The following SPAG16 variants were observed in gnomAD, a reference collection of about 807,000 sequenced individuals.
SPAG16 encodes the protein sperm associated antigen 16.
In SPAG16, 86 loss-of-function variants were observed where a neutral mutation model predicts 80.4. The observed-to-expected ratio is 1.07, with a 90% CI of 0.90 to 1.28. SPAG16 has a LOEUF of 1.28. Among genes scored for constraint, SPAG16 ranks in the 50% most tolerant of loss-of-function variants. The pLI, the probability that SPAG16 is intolerant of heterozygous loss-of-function variation, is 0.00. For synonymous variants in SPAG16, 294 were observed against 265.9 expected (o/e 1.11, Z -1.03); for missense variants, 870 against 765.3 (o/e 1.14, Z -1.61).
At chr2:214,180,502 A>G (rs2057276823) in intron 15 of SPAG16, among the ~76,000 whole-genome samples, 1 of 151,718 alleles carries the variant, frequency 6.6e-6, no homozygotes, top group Non-Finnish European at 1.5e-5. Flanking sequence ...TCAATAAGCT[A>G]TAAATAGATA....
chr2:214,059,220 G>GTATATA (rs1275941428), intron 13 of SPAG16, among the ~76,000 whole-genome samples: 3 of 73,810 alleles, frequency 4.1e-5, no homozygotes, highest in Middle Eastern at 7.4e-3. Flanking sequence ...ATATATGTAT[G>GTATATA]TGTATATATA....
chr2:213,920,973 A>T (rs1575556424), intron 11 of SPAG16, among the ~76,000 whole-genome samples: 1 of 152,302 alleles, frequency 6.6e-6, no homozygotes, highest in East Asian at 1.9e-4. Flanking sequence ...CTGTGGCAAG[A>T]GTAGGTTGAT....
intron 15 of SPAG16, 89 bp downstream of exon 15, chr2:214,149,355 A>G: frequency 1.6e-6 from 2 of 1,226,264 alleles, no homozygotes; most frequent in Non-Finnish European, 2.1e-6. Context: ...AAATGTATGT[A>G]TTTCTACGTA....
intron 10 of SPAG16, among the ~76,000 whole-genome samples, chr2:213,701,358 C>T (rs1172229422): frequency 1.3e-5 from 2 of 152,172 alleles, no homozygotes; most frequent in African/African-American, 4.8e-5. Context: ...CATTTAATAA[C>T]AATTACAATG....
At chr2:213,847,781 A>T (rs1197194298) in intron 10 of SPAG16, among the ~76,000 whole-genome samples, 1 of 152,134 alleles carries the variant, frequency 6.6e-6, no homozygotes, top group African/African-American at 2.4e-5. Context: ...ACTACAGCAA[A>T]CACGGACCTC....
chr2:213,892,111 G>T (rs1489396089), intron 11 of SPAG16, among the ~76,000 whole-genome samples: 2 of 152,044 alleles, frequency 1.3e-5, no homozygotes, highest in Non-Finnish European at 2.9e-5. Flanking sequence ...CTGTATAGCA[G>T]CACCACACGA....
chr2:214,204,010 A>G (rs1302732203), intron 15 of SPAG16, among the ~76,000 whole-genome samples: 1 of 152,142 alleles, frequency 6.6e-6, no homozygotes, highest in Non-Finnish European at 1.5e-5. Context: ...GAGTGAGACC[A>G]GCCTTTTGGG....
chr2:213,652,133 G>C (rs1358867251), intron 10 of SPAG16, among the ~76,000 whole-genome samples: 2 of 152,096 alleles, frequency 1.3e-5, no homozygotes, highest in Admixed American at 1.3e-4. Flanking sequence ...CCACTTATTA[G>C]CTGTGACCCC....
chr2:213,770,645 G>T (rs2069191712), intron 10 of SPAG16, among the ~76,000 whole-genome samples: 1 of 152,002 alleles, frequency 6.6e-6, no homozygotes, highest in African/African-American at 2.4e-5. Context: ...CCCAGTGTGT[G>T]TTATTCATCT....
chr2:213,308,279 T>A (rs1013004876), intron 3 of SPAG16, among the ~76,000 whole-genome samples: 8 of 152,300 alleles, frequency 5.3e-5, no homozygotes, highest in African/African-American at 1.9e-4. Flanking sequence ...TAATAATTTT[T>A]ATGGCTGTAC....
At chr2:214,409,130 C>A (rs1392529926) in intron 15 of SPAG16, among the ~76,000 whole-genome samples, 3 of 151,544 alleles carry the variant, frequency 2.0e-5, no homozygotes, top group African/African-American at 7.3e-5. Context: ...CTGTAACGAT[C>A]ATTCAGAATT....
chr2:213,299,200 T>G (rs2062623723), intron 3 of SPAG16, among the ~76,000 whole-genome samples: 1 of 152,208 alleles, frequency 6.6e-6, no homozygotes, highest in Non-Finnish European at 1.5e-5. Context: ...GAAAGTTAAG[T>G]TGAAATAATG....
chr2:213,548,788 A>G (rs894953024), intron 10 of SPAG16, among the ~76,000 whole-genome samples: 1 of 152,084 alleles, frequency 6.6e-6, no homozygotes, highest in Non-Finnish European at 1.5e-5. Context: ...ATTTGTCATT[A>G]TCTTTCGAGT....
intron 10 of SPAG16, among the ~76,000 whole-genome samples, chr2:213,517,547 C>A (rs929698029): frequency 1.3e-5 from 2 of 152,092 alleles, no homozygotes; most frequent in African/African-American, 4.8e-5. Flanking sequence ...TCATACTACC[C>A]AATTTCAAAC....
Position 213,982,610 on chromosome 2 carries a change from G to GGTGTGTGTGTGTGT in SPAG16, c.1401-31315_1401-31302dup, listed in dbSNP as rs57529616. ...AACTTGTTACCAAGGTATAGTTTCT[G>GGTGTGTGTGTGTGT]GTGTGTGTGTGTGTGTGTGTGTGTG... On this transcript the variant is annotated intron_variant, in intron 12 of 15. Coordinates refer to ENST00000331683, the MANE Select transcript of SPAG16 (RefSeq NM_024532.5). Among the ~76,000 whole-genome samples, 431 of 141,910 alleles carry GGTGTGTGTGTGTGT rather than the reference G, an allele frequency of 3.0e-3. 1 individual carries two copies. Among genetic ancestry groups the GGTGTGTGTGTGTGT allele is most frequent in the Middle Eastern group, 6.9e-3 (2 of 290 alleles). The allele number at this position is 141,910 out of a possible 152,430, so 93.1% of individuals were successfully genotyped here. A position where few individuals can be genotyped will look rare whatever the true frequency, so the allele number is the denominator to read the frequency against.
intron 10 of SPAG16, among the ~76,000 whole-genome samples, chr2:213,740,679 A>G (rs187483973): frequency 1.4e-4 from 22 of 152,324 alleles, no homozygotes; most frequent in Admixed American, 1.0e-3. Flanking sequence ...TGAAAATAAC[A>G]AGGGTAACTT....
intron 15 of SPAG16, among the ~76,000 whole-genome samples, chr2:214,329,670 G>GGTAA (rs1184817138): frequency 1.3e-5 from 2 of 152,116 alleles, no homozygotes; most frequent in African/African-American, 4.8e-5. Context: ...AGATTGAAAA[G>GGTAA]GTAAGTTTCA....
chr2:213,422,371 G>GGATCAGATGCACT, intron 9 of SPAG16: 1 of 675,272 alleles, frequency 1.5e-6, no homozygotes, highest in Non-Finnish European at 2.7e-6. Flanking sequence ...GCCTGGAGCT[G>GGATCAGATGCACT]CCTGCCCCAC....
chr2:213,683,671 A>G (rs1273932539), intron 10 of SPAG16, among the ~76,000 whole-genome samples: 1 of 152,132 alleles, frequency 6.6e-6, no homozygotes, highest in Non-Finnish European at 1.5e-5. Flanking sequence ...TTTCAAGTTA[A>G]GGGTGAATGC....
Sources: gnomAD v4.1 joint callset for allele counts (sites outside exome capture counted in the v4.1 genomes callset) on GRCh38, gnomAD v4.1.1 for gene constraint, MANE v1.5 for transcripts, NCBI Gene and HGNC (gene_info 2026-07-23, HGNC 2026-07-21) for gene names.